Variants in FBXL7 observed in about 807,000 individuals in gnomAD.
FBXL7 encodes the protein F-box and leucine rich repeat protein 7, also known as F-box/LRR-repeat protein 7.
A neutral mutation model predicts 38.3 loss-of-function variants in FBXL7; 12 were observed. That is an observed-to-expected ratio of 0.31 (90% CI 0.20 to 0.51). The LOEUF is 0.51. Ranked by LOEUF, FBXL7 falls within the 20% of genes least tolerant of loss-of-function variation. The probability of loss-of-function intolerance (pLI) is 0.98; values close to 1 mark genes in which losing one functional copy is unlikely to be tolerated. For missense variants in FBXL7, 567 were observed against 676.4 expected, an observed-to-expected ratio of 0.84 and a Z score of 1.79; for synonymous variants, 297 against 300.9, an observed-to-expected ratio of 0.99 and a Z score of 0.13.
At chr5:15,877,093 T>C (rs1270507932) in intron 2 of FBXL7, among the ~76,000 whole-genome samples, 1 of 152,222 alleles carries the variant, frequency 6.6e-6, no homozygotes, top group Non-Finnish European at 1.5e-5. Flanking sequence ...AGCTAGTTAC[T>C]ACCAAAGACA....
rs1010755675 is a variant in FBXL7, at chr5:15,519,568, T to G, written c.37+18855T>G. The stretch of plus-strand genomic sequence containing the variant: ...AGCAAAGTTATGCTCTATTTCTTCC[T>G]CCTTTGGAGAATCCCTTCAGATCAC... On this transcript the variant is annotated intron_variant, in intron 1 of 3. Transcript: ENST00000504595. 3.3e-5 allele frequency among the ~76,000 whole-genome samples: 5 copies of G among 152,290 alleles called. No individual in the cohort carries two copies. In the East Asian group the frequency reaches 5.8e-4, roughly 18 times the overall value.
chr5:15,522,683 T>C (rs774303197), intron 1 of FBXL7, among the ~76,000 whole-genome samples: 56 of 152,238 alleles, frequency 3.7e-4, no homozygotes, highest in Non-Finnish European at 6.3e-4. Flanking sequence ...CTGCTGAGTA[T>C]AGTTTTATGA....
At chr5:15,711,018 C>T (rs990914906) in intron 2 of FBXL7, among the ~76,000 whole-genome samples, 7 of 152,162 alleles carry the variant, frequency 4.6e-5, no homozygotes, top group Non-Finnish European at 8.8e-5. Flanking sequence ...ATAAGTTTCA[C>T]GAGATCTGAC....
chr5:15,667,039 T>C (rs534853571), intron 2 of FBXL7, among the ~76,000 whole-genome samples: 1 of 152,330 alleles, frequency 6.6e-6, no homozygotes, highest in South Asian at 2.1e-4. Context: ...GGAGACTTCC[T>C]GTACTTTAAC....
chr5:15,728,087 T>C (rs1451914755), intron 2 of FBXL7, among the ~76,000 whole-genome samples: 3 of 152,212 alleles, frequency 2.0e-5, no homozygotes. Flanking sequence ...TTCTATATCT[T>C]TGTTGACATT....
chr5:15,633,747 AT>A (rs1485259053), intron 2 of FBXL7, among the ~76,000 whole-genome samples: 1 of 136,492 alleles, frequency 7.3e-6, no homozygotes, highest in Non-Finnish European at 1.5e-5. Flanking sequence ...AGATATTATT[AT>A]TATTATTATT....
intron 2 of FBXL7, among the ~76,000 whole-genome samples, chr5:15,777,021 T>C (rs560790854): frequency 6.6e-6 from 1 of 152,220 alleles, no homozygotes; most frequent in South Asian, 2.1e-4. Context: ...TATGCACACA[T>C]AAGGCATTTC....
intron 2 of FBXL7, among the ~76,000 whole-genome samples, chr5:15,758,973 TTAGAA>T (rs1736371364): frequency 2.6e-5 from 4 of 152,200 alleles, no homozygotes; most frequent in Admixed American, 2.6e-4. Context: ...ATACATGTCT[TTAGAA>T]TAGCAACTAC....
chr5:15,845,951 A>G (rs1738889203), intron 2 of FBXL7, among the ~76,000 whole-genome samples: 1 of 152,220 alleles, frequency 6.6e-6, no homozygotes, highest in Non-Finnish European at 1.5e-5. Flanking sequence ...CAGCCTGGGC[A>G]ACAGAGCGAG....
chr5:15,532,369 G>C (rs182830650), intron 1 of FBXL7, among the ~76,000 whole-genome samples: 1 of 152,192 alleles, frequency 6.6e-6, no homozygotes, highest in Non-Finnish European at 1.5e-5. Flanking sequence ...GTTGTTAAGA[G>C]GAAGAAGCTG....
At chr5:15,658,835 C>G (rs1248769245) in intron 2 of FBXL7, among the ~76,000 whole-genome samples, 19 of 152,172 alleles carry the variant, frequency 1.2e-4, no homozygotes, top group Admixed American at 1.2e-3. Flanking sequence ...TGATTTTTAA[C>G]TACCAGGCCC....
intron 1 of FBXL7, among the ~76,000 whole-genome samples, chr5:15,529,323 A>C (rs1384279114): frequency 6.6e-6 from 1 of 152,166 alleles, no homozygotes; most frequent in African/African-American, 2.4e-5. Context: ...ATCCAATGAT[A>C]GATACCTGGG....
intron 2 of FBXL7, among the ~76,000 whole-genome samples, chr5:15,763,457 G>A (rs779084208): frequency 2.6e-5 from 4 of 152,260 alleles, no homozygotes; most frequent in South Asian, 2.1e-4. Context: ...ACCAAAGTAC[G>A]TTGGCATCTG....
intron 2 of FBXL7, among the ~76,000 whole-genome samples, chr5:15,785,084 C>T (rs951449742): frequency 2.0e-5 from 3 of 152,112 alleles, no homozygotes; most frequent in Non-Finnish European, 2.9e-5. Context: ...CTAACTAGCA[C>T]GAGACTCTGT....
chr5:15,635,085 C>T (rs1008412760), intron 2 of FBXL7, among the ~76,000 whole-genome samples: 1 of 152,058 alleles, frequency 6.6e-6, no homozygotes, highest in African/African-American at 2.4e-5. Flanking sequence ...CTTAAAATAG[C>T]AGCCATTGGA....
At chr5:15,519,917 T>C (rs1022982678) in intron 1 of FBXL7, among the ~76,000 whole-genome samples, 2 of 152,172 alleles carry the variant, frequency 1.3e-5, no homozygotes, top group African/African-American at 4.8e-5. Flanking sequence ...AAAGCAAGTT[T>C]ATGAAGAAAG....
At chr5:15,923,374 C>G (rs897694914) in intron 2 of FBXL7, among the ~76,000 whole-genome samples, 1 of 152,102 alleles carries the variant, frequency 6.6e-6, no homozygotes, top group Admixed American at 6.5e-5. Context: ...CTTTATTTTC[C>G]TGCTATAGAG....
chr5:15,584,732 C>A (rs1350296342), intron 1 of FBXL7, among the ~76,000 whole-genome samples: 1 of 152,182 alleles, frequency 6.6e-6, no homozygotes, highest in African/African-American at 2.4e-5. Flanking sequence ...TACCCCACTC[C>A]TGGTACCAGT....
chr5:15,753,767 G>A (rs1736215186), intron 2 of FBXL7, among the ~76,000 whole-genome samples: 1 of 152,194 alleles, frequency 6.6e-6, no homozygotes. Flanking sequence ...ATGGAATTAA[G>A]CAGTGGGATC....
Sources: allele counts gnomAD v4.1 joint callset (sites outside exome capture counted in the v4.1 genomes callset), GRCh38; gene constraint gnomAD v4.1.1; transcripts MANE v1.5; gene names NCBI Gene and HGNC (gene_info 2026-07-23, HGNC 2026-07-21).